Variants in KIAA0232 observed in about 807,000 individuals in gnomAD.
The protein encoded by KIAA0232 is KIAA0232.
KIAA0232 carries 27 observed loss-of-function variants against 122.0 expected under a neutral mutation model. That is an observed-to-expected ratio of 0.22 (90% CI 0.16 to 0.31). The LOEUF is 0.31. KIAA0232 is among the 10% of genes least tolerant of loss of function. KIAA0232 has a pLI of 1.00. For synonymous variants in KIAA0232, 613 were observed against 587.6 expected (o/e 1.04, Z -0.63); for missense variants, 1,551 against 1,634.2 (o/e 0.95, Z 0.88).
chr4:6,838,801 T>C (rs918140569), intron 3 of KIAA0232, among the ~76,000 whole-genome samples: 1 of 149,614 alleles, frequency 6.7e-6, no homozygotes, highest in Non-Finnish European at 1.5e-5. Flanking sequence ...AGCTAATACA[T>C]GTTTTTGGTA....
intron 8 of KIAA0232, among the ~76,000 whole-genome samples, chr4:6,874,093 G>C (rs749147555): frequency 1.1e-4 from 16 of 152,242 alleles, no homozygotes; most frequent in Admixed American, 3.3e-4. Context: ...AAAAGAGGCA[G>C]CTTGTTCAGG....
chr4:6,857,118 G>C (rs1233558226), intron 4 of KIAA0232, 46 bp from the exon 5 acceptor site: 7 of 1,457,580 alleles, frequency 4.8e-6, no homozygotes, highest in African/African-American at 2.8e-5. Context: ...TACCTGATTT[G>C]TACATACCTG....
At chr4:6,810,335 C>T (rs1717820625) in intron 2 of KIAA0232, among the ~76,000 whole-genome samples, 1 of 152,024 alleles carries the variant, frequency 6.6e-6, no homozygotes, top group African/African-American at 2.4e-5. Flanking sequence ...GAAAGGATAC[C>T]CTCTTAAAGA....
At chr4:6,792,596 G>A (rs1716944852) in intron 1 of KIAA0232, among the ~76,000 whole-genome samples, 1 of 151,936 alleles carries the variant, frequency 6.6e-6, no homozygotes, top group Non-Finnish European at 1.5e-5. Flanking sequence ...TAAAGGCACA[G>A]GGTTGGCTTT....
intron 2 of KIAA0232, among the ~76,000 whole-genome samples, chr4:6,816,343 C>T (rs991061159): frequency 6.7e-6 from 1 of 150,068 alleles, no homozygotes; most frequent in Non-Finnish European, 1.5e-5. Flanking sequence ...AGTGCAGTGG[C>T]GTGATCTCGG....
chr4:6,872,003 C>T (rs1450468204), intron 8 of KIAA0232, among the ~76,000 whole-genome samples: 2 of 152,176 alleles, frequency 1.3e-5, no homozygotes, highest in East Asian at 1.9e-4. Context: ...TGCACAGAGG[C>T]AGGAGGGTCG....
In KIAA0232 at chr4:6,862,084, A is replaced by C; in HGVS notation, c.1702A>C (p.Thr568Pro). The change falls in exon 7 of 10, where the codon ACA becomes CCA. Residue 568 changes from threonine to proline, a missense_variant. By Grantham distance (38) the Thr-to-Pro change is conservative. Around this residue, in one of 5 missense-constraint regions of KIAA0232, gnomAD observed 1,108 missense variants for 1,154.8 expected, o/e 0.96. Coordinates refer to ENST00000307659, the MANE Select transcript of KIAA0232 (RefSeq NM_014743.3). ...GTTGCAAGGGGAACGTGCAATATGGACAGATTCTACCAGCTCCGTAGGTGC... is the reference window on the plus strand; with the variant it reads ...GTTGCAAGGGGAACGTGCAATATGGCCAGATTCTACCAGCTCCGTAGGTGC... Reference protein sequence around the residue: ...MELQGERAIWTDSTSSVGAEG... With the variant: ...MELQGERAIWPDSTSSVGAEG... 1.2e-6 allele frequency: 2 copies of C among 1,614,142 alleles called. No individual in the cohort carries two copies. Among genetic ancestry groups the C allele is most frequent in the Non-Finnish European group, 1.7e-6 (2 of 1,180,034 alleles).
At position 6,863,876 on chromosome 4, in the gene KIAA0232, A is replaced by G. The variant is rs769250664; in HGVS notation, c.3494A>G (p.Tyr1165Cys). Residue 1165 changes from tyrosine (Y) to cysteine (C), a missense_variant, in exon 7 of 10, where the codon TAT (tyrosine) becomes TGT (cysteine). Physicochemically the swap from Tyr to Cys is radical, Grantham distance 194 (BLOSUM62 -2). This residue lies in a region of KIAA0232 where 1,108 missense variants were observed against 1,154.8 expected (regional missense o/e 0.96). Transcript: ENST00000307659. Reference sequence around the variant, plus strand: ...GATGCAGAGAAAGAAGGCCATTACTATGGAAAATCAGAGCTTGAGTCTGGA... The same window carrying G: ...GATGCAGAGAAAGAAGGCCATTACTGTGGAAAATCAGAGCTTGAGTCTGGA... ...EEDAEKEGHY[Y>C]GKSELESGKF... The G allele has an allele frequency of 3.1e-6, 5 of 1,614,156 alleles. No individual in the cohort carries two copies. The highest frequency in any genetic ancestry group is 8.5e-7 in the Non-Finnish European group (1 of 1,180,022).
At chr4:6,835,881 G>C (rs998637767) in intron 3 of KIAA0232, among the ~76,000 whole-genome samples, 1 of 152,082 alleles carries the variant, frequency 6.6e-6, no homozygotes, top group Non-Finnish European at 1.5e-5. Flanking sequence ...ATGGACATTT[G>C]GGTTGGTTCC....
intron 1 of KIAA0232, among the ~76,000 whole-genome samples, chr4:6,794,767 G>A (rs986846276): frequency 2.0e-5 from 3 of 152,182 alleles, no homozygotes; most frequent in South Asian, 4.1e-4. Flanking sequence ...TGGGATGTGC[G>A]AGGAGGAGCC....
intron 2 of KIAA0232, among the ~76,000 whole-genome samples, chr4:6,810,947 AAAC>A (rs1375227196): frequency 2.0e-5 from 3 of 152,216 alleles, no homozygotes; most frequent in Non-Finnish European, 2.9e-5. Context: ...AACAAAAAGA[AAAC>A]AAGTATTTGC....
At chr4:6,879,727 C>T (rs1422387624) in intron 9 of KIAA0232, among the ~76,000 whole-genome samples, 1 of 152,146 alleles carries the variant, frequency 6.6e-6, no homozygotes, top group Non-Finnish European at 1.5e-5. Flanking sequence ...GGAGACAGTC[C>T]GACACCACAG....
In KIAA0232 at chr4:6,792,696, T is replaced by TG. The variant is rs1491194452; in HGVS notation, c.-354+9855_-354+9856insG. Among the ~76,000 whole-genome samples the TG allele has an allele frequency of 2.0e-4, 11 of 55,150 alleles. No individual in the cohort carries two copies. In the East Asian group the frequency reaches 3.1e-3, roughly 16 times the overall value. The allele number at this position is 55,150 out of a possible 152,430, so 36.2% of individuals were successfully genotyped here. ...ATAGTCTTAGGTTTTTTTTTTTTTGTTTTTTTTTTTTGAGACAGAGTCTCA... is the reference window on the plus strand; with the variant it reads ...ATAGTCTTAGGTTTTTTTTTTTTTGTGTTTTTTTTTTTGAGACAGAGTCTCA... On this transcript the variant is annotated intron_variant, in intron 1 of 9. Transcript: ENST00000307659.
intron 3 of KIAA0232, among the ~76,000 whole-genome samples, chr4:6,827,880 C>CT (rs1335756675): frequency 2.0e-4 from 29 of 148,114 alleles, no homozygotes; most frequent in Admixed American, 3.4e-4. Context: ...TTTCTTCTTT[C>CT]TTTTTTTTTT....
At position 6,853,248 on chromosome 4, in the gene KIAA0232, T is replaced by C. The variant is rs1285823345; in HGVS notation, c.370-3916T>C. 2.6e-5 allele frequency among the ~76,000 whole-genome samples: 4 copies of C among 152,184 alleles called. No individual in the cohort carries two copies. The East Asian group carries it at 5.8e-4, about 22-fold the overall frequency. On this transcript the variant is annotated intron_variant, in intron 4 of 9. Transcript: ENST00000307659. ...AGGGATGAGATGATCCTTTAAAAAT[T>C]ATAACCATGATAATAGAAATGAAAA...
intron 2 of KIAA0232, among the ~76,000 whole-genome samples, chr4:6,810,673 CTATT>C (rs1479591459): frequency 1.3e-5 from 2 of 152,122 alleles, no homozygotes; most frequent in African/African-American, 2.4e-5. Context: ...TGTTTGCAAA[CTATT>C]TATCTGATAG....
intron 2 of KIAA0232, among the ~76,000 whole-genome samples, chr4:6,817,998 TA>T (rs1366674624): frequency 6.6e-6 from 1 of 152,192 alleles, no homozygotes; most frequent in Non-Finnish European, 1.5e-5. Context: ...CTAGCTTTTT[TA>T]TTAATGTTAG....
At chr4:6,811,683 AGTCC>A (rs1438851413) in intron 2 of KIAA0232, among the ~76,000 whole-genome samples, 3 of 150,812 alleles carry the variant, frequency 2.0e-5, no homozygotes, top group East Asian at 2.0e-4. Flanking sequence ...GAGTTCAAAC[AGTCC>A]GTCCGCCTCG....
intron 4 of KIAA0232, among the ~76,000 whole-genome samples, chr4:6,843,984 G>A (rs1254698367): frequency 8.2e-6 from 1 of 122,546 alleles, no homozygotes; most frequent in Non-Finnish European, 1.6e-5. Flanking sequence ...CTGTAGCCCA[G>A]GCTGAAGTGC....
Sources: gnomAD v4.1 joint callset for allele counts (sites outside exome capture counted in the v4.1 genomes callset) on GRCh38, gnomAD v4.1.1 for gene constraint, gnomAD v4.1.1 regional missense constraint, MANE v1.5 for transcripts, NCBI Gene and HGNC (gene_info 2026-07-23, HGNC 2026-07-21) for gene names.